Variants in NCOA4 observed in about 807,000 individuals in gnomAD.
NCOA4 encodes nuclear receptor coactivator 4.
NCOA4 carries 31 observed loss-of-function variants against 69.5 expected under a neutral mutation model. The observed-to-expected ratio is 0.45, with a 90% CI of 0.34 to 0.60. NCOA4 has a LOEUF of 0.60. Among genes scored for constraint, NCOA4 ranks in the 20% least tolerant of loss-of-function variants. The pLI, the probability that NCOA4 is intolerant of heterozygous loss-of-function variation, is 0.02. For missense variants in NCOA4, 600 were observed against 719.2 expected (o/e 0.83, Z 1.90); for synonymous variants, 228 against 252.4 (o/e 0.90, Z 0.92).
In NCOA4 at chr10:46,014,558, G is replaced by T; in HGVS notation, c.372-6C>A. 1.3e-6 allele frequency: 2 copies of T among 1,513,178 alleles called. No homozygotes were observed. The highest frequency in any genetic ancestry group is 1.8e-6 in the Non-Finnish European group (2 of 1,116,544). 93.7% of individuals were successfully genotyped at this position (1,513,178 alleles called of 1,614,324 possible). ...TAAGGGTCAAACTGCCCAGTCTGGG[G>T]AAAAAAAAACAAAATTGGCTATTTT... On this transcript the variant is annotated splice_polypyrimidine_tract_variant and splice_region_variant and intron_variant, in intron 4 of 9. Transcript: ENST00000581486.
chr10:46,019,873 ATC>A (rs1839774006), intron 1 of NCOA4, among the ~76,000 whole-genome samples: 1 of 152,154 alleles, frequency 6.6e-6, no homozygotes, highest in Non-Finnish European at 1.5e-5. Flanking sequence ...CACGAAGAAA[ATC>A]TGTTTCATTT....
intron 7 of NCOA4, among the ~76,000 whole-genome samples, chr10:46,012,471 T>C (rs889147972): frequency 3.9e-5 from 6 of 152,108 alleles, no homozygotes; most frequent in Non-Finnish European, 7.3e-5. Flanking sequence ...ATCAATTATA[T>C]ACTACTAAAT....
intron 1 of NCOA4, among the ~76,000 whole-genome samples, chr10:46,021,914 G>A (rs887437482): frequency 1.3e-5 from 2 of 152,066 alleles, no homozygotes; most frequent in African/African-American, 2.4e-5. Flanking sequence ...GGCCAAGGTC[G>A]CAGCCATTGC....
At chr10:46,009,785 A>C (rs782415788) in intron 8 of NCOA4, among the ~76,000 whole-genome samples, 3 of 152,218 alleles carry the variant, frequency 2.0e-5, no homozygotes, top group Non-Finnish European at 4.4e-5. Context: ...AAAATGCACA[A>C]AAAAATCATA....
At chr10:46,014,219 G>A (rs1373868455) in intron 5 of NCOA4, among the ~76,000 whole-genome samples, 4 of 152,128 alleles carry the variant, frequency 2.6e-5, no homozygotes, top group African/African-American at 9.7e-5. Context: ...TTTTCACCAT[G>A]TTGGCCAGGC....
chr10:46,016,761 C>G (rs1287103862), intron 1 of NCOA4, 67 bp from the exon 2 acceptor site: 1 of 1,167,660 alleles, frequency 8.6e-7, no homozygotes, highest in Admixed American at 3.0e-5. Flanking sequence ...TTGAATCATC[C>G]CTCAAATGAT....
At chr10:46,016,802 T>TA (rs1554923373) in intron 1 of NCOA4, 108 bp from the exon 2 acceptor site, 24 of 715,690 alleles carry the variant, frequency 3.4e-5, no homozygotes, top group Non-Finnish European at 1.6e-5. Flanking sequence ...ACTAACTACT[T>TA]AGATTACTTT....
At chr10:46,008,855 C>G (rs1414229728) in intron 9 of NCOA4, among the ~76,000 whole-genome samples, 1 of 152,214 alleles carries the variant, frequency 6.6e-6, no homozygotes, top group East Asian at 1.9e-4. Flanking sequence ...CCATCCTAAT[C>G]AGTCAGCAGT....
In NCOA4 at chr10:46,013,035, C is replaced by A; in HGVS notation, c.571-9G>T. On this transcript the variant is annotated splice_polypyrimidine_tract_variant and intron_variant, in intron 6 of 9. Coordinates refer to ENST00000581486, the MANE Select transcript of NCOA4 (RefSeq NM_001145263.2). ...ATACCGGATGCTGACTTCTGTTAAT[C>A]ACAAAACAAGGAATGTCAAATGCAG... The A allele has an allele frequency of 6.2e-7, 1 of 1,613,384 alleles. No homozygotes were observed. Among genetic ancestry groups the A allele is most frequent in the Non-Finnish European group, 8.5e-7 (1 of 1,179,644 alleles).
intron 9 of NCOA4, among the ~76,000 whole-genome samples, chr10:46,007,578 ACT>A (rs1554920117): frequency 2.5e-5 from 3 of 118,764 alleles, no homozygotes; most frequent in South Asian, 2.8e-4. Flanking sequence ...ACAGCCAGTG[ACT>A]CTTTTTTTTT....
At chr10:46,023,580 C>T in intron 1 of NCOA4, 1 of 952,724 alleles carries the variant, frequency 1.0e-6, no homozygotes, top group Non-Finnish European at 1.2e-6. Context: ...CTGCAGCTCC[C>T]TCCCCGCTGG....
chr10:46,011,111 T>C lies in NCOA4; in HGVS notation c.810A>G (p.Gln270=), dbSNP rs201343169. Residue 270 remains glutamine (Q), a synonymous_variant, in exon 8 of 10, where the codon CAA becomes CAG. Coordinates refer to ENST00000581486, the MANE Select transcript of NCOA4 (RefSeq NM_001145263.2). ...WLLKSEKSSY[Q]KCNSHSTTSS... is the part of the protein sequence containing the mutation. Reference sequence around the variant, plus strand: ...TAGTAGTGGAATGGCTGTTACACTTTTGATAACTTGATTTTTCACTCTTGA... The same window carrying C: ...TAGTAGTGGAATGGCTGTTACACTTCTGATAACTTGATTTTTCACTCTTGA... 2.7e-5 allele frequency: 43 copies of C among 1,613,884 alleles called. No homozygotes were observed. The highest frequency in any genetic ancestry group is 1.5e-5 in the Non-Finnish European group (18 of 1,179,814).
At position 46,010,740 on chromosome 10, in the gene NCOA4, T is replaced by G. The variant is rs1390268164; in HGVS notation, c.1181A>C (p.His394Pro). 2 of 1,613,860 alleles carry G rather than the reference T, an allele frequency of 1.2e-6. No homozygotes were observed. The highest frequency in any genetic ancestry group is 2.7e-5 in the African/African-American group (2 of 74,916). Residue 394 changes from histidine (H) to proline (P), a missense_variant, in exon 8 of 10, where the codon CAT becomes CCT. By Grantham distance (77) the His-to-Pro change is moderately conservative. Transcript: ENST00000581486. ...MVTEDWLVQN[H>P]QDPCKVEEVC... ...CTCCTCTACCTTACATGGGTCCTGATGGTTCTGGACAAGCCAATCCTCTGT... is the reference window on the plus strand; with the variant it reads ...CTCCTCTACCTTACATGGGTCCTGAGGGTTCTGGACAAGCCAATCCTCTGT...
rs2132320540 is a variant in NCOA4, at chr10:46,010,644, G to A, written c.1277C>T (p.Ala426Val). 6.2e-7 allele frequency: 1 copy of A among 1,614,080 alleles called. No homozygotes were observed. Among genetic ancestry groups the A allele is most frequent in the Non-Finnish European group, 8.5e-7 (1 of 1,180,014 alleles). Reference sequence around the variant, plus strand: ...TTTCTTCAGAAGCCACTTATACAGAGCCTCCTTCTCACAATTCTCATCACA... The same window carrying A: ...TTTCTTCAGAAGCCACTTATACAGAACCTCCTTCTCACAATTCTCATCACA... The part of the protein sequence containing the change: ...CVCDENCEKE[A>V]LYKWLLKKEG... Residue 426 changes from alanine (A) to valine (V), a missense_variant, in exon 8 of 10, where the codon GCT becomes GTT. Physicochemically the swap from Ala to Val is moderately conservative, Grantham distance 64. Transcript: ENST00000581486.
At chr10:46,022,095 T>C (rs1435727262) in intron 1 of NCOA4, among the ~76,000 whole-genome samples, 1 of 152,196 alleles carries the variant, frequency 6.6e-6, no homozygotes, top group Non-Finnish European at 1.5e-5. Context: ...GCTTCATTCG[T>C]CTGTAAGAAT....
rs781828816 is a variant in NCOA4, at chr10:46,006,171, A to G, written c.*421T>C. 58 of 237,042 alleles carry G rather than the reference A, an allele frequency of 2.4e-4. No individual in the cohort carries two copies. The highest frequency in any genetic ancestry group is 1.7e-4 in the Non-Finnish European group (21 of 120,734). 14.7% of individuals were successfully genotyped at this position (237,042 alleles called of 1,614,324 possible). On this transcript the variant is annotated 3_prime_UTR_variant, in exon 10 of 10. Transcript: ENST00000581486. ...CCACTAACAAAAGAAAACCCACAGC[A>G]AGAGAAGCATCTGTAGGGCAATTAA...
In NCOA4 at chr10:46,014,627, A is replaced by C. The variant is rs1183887966; in HGVS notation, c.372-75T>G. 12 of 1,066,940 alleles carry C rather than the reference A, an allele frequency of 1.1e-5. No homozygotes were observed. The African/African-American group carries it at 1.4e-4, about 13-fold the overall frequency. The allele number at this position is 1,066,940 out of a possible 1,614,324, so 66.1% of individuals were successfully genotyped here. The stretch of plus-strand genomic sequence containing the variant: ...TCAACTTCATCTAAAACAAAAGCCA[A>C]ATTGTGAGTAATTTTAAATGATTAC... On this transcript the variant is annotated intron_variant, in intron 4 of 9. Transcript: ENST00000581486.
Position 46,005,967 on chromosome 10 carries a change from C to T in NCOA4, c.*625G>A, listed in dbSNP as rs1554919538. On this transcript the variant is annotated 3_prime_UTR_variant, in exon 10 of 10. Transcript: ENST00000581486. ...AACATTTACAGAAAGACAAAATTTG[C>T]AGTAGCTGAGTTTAAGTGAAGAATA... is the stretch of plus-strand genomic sequence containing the variant. The T allele has an allele frequency of 4.9e-6, 1 of 205,108 alleles. No individual in the cohort carries two copies. The highest frequency in any genetic ancestry group is 7.5e-5 in the East Asian group (1 of 13,368). 12.7% of individuals were successfully genotyped at this position (205,108 alleles called of 1,614,324 possible).
At chr10:46,028,082 C>T (rs1840256559) in intron 1 of NCOA4, among the ~76,000 whole-genome samples, 1 of 152,198 alleles carries the variant, frequency 6.6e-6, no homozygotes, top group African/African-American at 2.4e-5. Flanking sequence ...CTCTTCTCCT[C>T]CTGCTGCTCC....
Sources: allele counts gnomAD v4.1 joint callset (sites outside exome capture counted in the v4.1 genomes callset), GRCh38; gene constraint gnomAD v4.1.1; transcripts MANE v1.5; gene names NCBI Gene and HGNC (gene_info 2026-07-23, HGNC 2026-07-21).